The following HCFC2 variants were observed in gnomAD, a reference collection of about 807,000 sequenced individuals.
The protein encoded by HCFC2 is host cell factor C2.
A neutral mutation model predicts 89.2 loss-of-function variants in HCFC2; 18 were observed. The observed-to-expected ratio is 0.20, with a 90% CI of 0.14 to 0.30. The LOEUF (loss-of-function observed/expected upper bound fraction) is 0.30. Ranked by LOEUF, HCFC2 falls within the 10% of genes least tolerant of loss-of-function variation. HCFC2 has a pLI of 1.00. For missense variants in HCFC2, 578 were observed against 956.1 expected (o/e 0.60, Z 5.21); for synonymous variants, 308 against 335.7 (o/e 0.92, Z 0.90).
At chr12:104,074,006 G>A (rs942870119) in intron 3 of HCFC2, among the ~76,000 whole-genome samples, 2 of 152,056 alleles carry the variant, frequency 1.3e-5, no homozygotes, top group African/African-American at 2.4e-5. Flanking sequence ...ATTTACTATC[G>A]GACCCTTTAC....
chr12:104,097,898 A>G (rs1884222741), intron 12 of HCFC2, among the ~76,000 whole-genome samples: 1 of 152,220 alleles, frequency 6.6e-6, no homozygotes, highest in South Asian at 2.1e-4. Flanking sequence ...TTCAAGTGCA[A>G]AGATCACTGA....
chr12:104,095,696 A>C lies in HCFC2; in HGVS notation c.1666+133A>C. 2 of 668,182 alleles carry C rather than the reference A, an allele frequency of 3.0e-6. No homozygotes were observed. Among genetic ancestry groups the C allele is most frequent in the Non-Finnish European group, 5.0e-6 (2 of 399,766 alleles). The allele number at this position is 668,182 out of a possible 1,614,324, so 41.4% of individuals were successfully genotyped here. A position where few individuals can be genotyped will look rare whatever the true frequency, so the allele number is the denominator to read the frequency against. On this transcript the variant is annotated intron_variant, in intron 11 of 14. Coordinates refer to ENST00000229330, the MANE Select transcript of HCFC2 (RefSeq NM_013320.3). The surrounding 1 kb of genome is among the most constrained non-coding windows in gnomAD (Gnocchi z 4.2). ...TAGTCATTTTAACTTAATTTCTGTG[A>C]GCAAGAGTTTTCATTTGACCTAAAT... is the stretch of plus-strand genomic sequence containing the variant.
rs1018961653 is a variant in HCFC2 at position 104,105,990 on chromosome 12, G to C, written c.*2717G>C. Reference sequence around the variant, plus strand: ...AGTAAAAATATTTTTGATGTTGCATGCTCTCAGAATTATGTTTTCTAAAAT... The same window carrying C: ...AGTAAAAATATTTTTGATGTTGCATCCTCTCAGAATTATGTTTTCTAAAAT... On this transcript the variant is annotated 3_prime_UTR_variant, in exon 15 of 15. Coordinates refer to ENST00000229330, the MANE Select transcript of HCFC2 (RefSeq NM_013320.3). The C allele has an allele frequency of 6.6e-6, 1 of 152,016 alleles. No individual in the cohort carries two copies. The highest frequency in any genetic ancestry group is 2.4e-5 in the African/African-American group (1 of 41,442). The allele number at this position is 152,016 out of a possible 1,614,324, so 9.4% of individuals were successfully genotyped here.
intron 7 of HCFC2, among the ~76,000 whole-genome samples, chr12:104,083,963 A>G (rs71466293): frequency 0.02 from 3,014 of 152,192 alleles, 52 homozygotes; most frequent in South Asian, 0.028. Flanking sequence ...GTCTGAGTCT[A>G]CCTACAGTGA....
intron 3 of HCFC2, among the ~76,000 whole-genome samples, chr12:104,078,842 A>G (rs1434874272): frequency 6.6e-6 from 1 of 152,156 alleles, no homozygotes; most frequent in Non-Finnish European, 1.5e-5. Context: ...GGTTACTTCT[A>G]TGTCTGATGC....
chr12:104,092,426 A>G (rs569825526), intron 9 of HCFC2, among the ~76,000 whole-genome samples: 11 of 152,202 alleles, frequency 7.2e-5, no homozygotes, highest in East Asian at 1.9e-4. Flanking sequence ...TGCCACTGCA[A>G]TCCAGCCTGG....
chr12:104,067,133 G>A (rs112883159), intron 2 of HCFC2, among the ~76,000 whole-genome samples: 7,732 of 152,270 alleles, frequency 0.051, 256 homozygotes, highest in Non-Finnish European at 0.077. Flanking sequence ...CAGAGGGATA[G>A]TTGGCATTGG....
chr12:104,076,645 T>C (rs1883502806), intron 3 of HCFC2, among the ~76,000 whole-genome samples: 2 of 152,252 alleles, frequency 1.3e-5, no homozygotes, highest in South Asian at 4.2e-4. Flanking sequence ...GATTTTGTAT[T>C]ATAATAGGGT....
intron 3 of HCFC2, among the ~76,000 whole-genome samples, chr12:104,071,302 A>G (rs1170742493): frequency 6.6e-6 from 1 of 152,194 alleles, no homozygotes; most frequent in Non-Finnish European, 1.5e-5. Context: ...CTTTTCATGT[A>G]CCCTTTTTCA....
intron 12 of HCFC2, 75 bp downstream of exon 12, chr12:104,096,508 A>T: frequency 1.0e-6 from 1 of 978,694 alleles, no homozygotes; most frequent in Non-Finnish European, 1.6e-6. Flanking sequence ...ACTTCTAAAT[A>T]ATTTCATAAA....
rs2030033390 is a variant in HCFC2 at position 104,104,388 on chromosome 12, C to A, written c.*1115C>A. On this transcript the variant is annotated 3_prime_UTR_variant, in exon 15 of 15. Coordinates refer to ENST00000229330, the MANE Select transcript of HCFC2 (RefSeq NM_013320.3). ...GATACAGATAGGCATTATAAACACT[C>A]TGCTACAGGTAACTTGTTTTAAACC... 1.3e-5 allele frequency: 2 copies of A among 152,062 alleles called. No individual in the cohort carries two copies. The highest frequency in any genetic ancestry group is 4.8e-5 in the African/African-American group (2 of 41,448). 9.4% of individuals were successfully genotyped at this position (152,062 alleles called of 1,614,324 possible). A position where few individuals can be genotyped will look rare whatever the true frequency, so the allele number is the denominator to read the frequency against.
At position 104,071,571 on chromosome 12, in the gene HCFC2, CCTAA is replaced by C. The variant is rs36225190; in HGVS notation, c.473+3468_473+3471del. Among the ~76,000 whole-genome samples, 600 of 152,294 alleles carry C rather than the reference CCTAA, an allele frequency of 3.9e-3. 2 individuals are homozygous for C. The highest frequency in any genetic ancestry group is 0.014 in the African/African-American group (569 of 41,558). On this transcript the variant is annotated intron_variant, in intron 3 of 14. Coordinates refer to ENST00000229330, the MANE Select transcript of HCFC2 (RefSeq NM_013320.3). ...ACATTAATACGATCCTCCACACAGA[CCTAA>C]CTATTTTATTTTATTTTATTTTATT...
chr12:104,093,647 GT>G, intron 10 of HCFC2, 84 bp downstream of exon 10: 1 of 1,248,718 alleles, frequency 8.0e-7, no homozygotes, highest in Non-Finnish European at 1.1e-6. Context: ...ATGTTGTACA[GT>G]TTTGATCCAT....
intron 5 of HCFC2, among the ~76,000 whole-genome samples, chr12:104,081,589 T>C (rs1883683480): frequency 1.3e-5 from 2 of 151,094 alleles, no homozygotes; most frequent in South Asian, 2.1e-4. Context: ...ACTGTTGTAA[T>C]TTAGAACCTA....
At chr12:104,086,121 C>A (rs1318516741) in intron 7 of HCFC2, among the ~76,000 whole-genome samples, 2 of 151,514 alleles carry the variant, frequency 1.3e-5, no homozygotes, top group Non-Finnish European at 2.9e-5. Flanking sequence ...CCTTAGCCTT[C>A]CGAGTACCTG....
intron 7 of HCFC2, among the ~76,000 whole-genome samples, chr12:104,083,674 A>G (rs1405956769): frequency 6.6e-6 from 1 of 152,192 alleles, no homozygotes; most frequent in African/African-American, 2.4e-5. Context: ...GCAATGCTGT[A>G]CTATCTTTGC....
intron 12 of HCFC2, among the ~76,000 whole-genome samples, chr12:104,097,210 T>C (rs1049145296): frequency 1.1e-4 from 16 of 152,180 alleles, no homozygotes; most frequent in African/African-American, 3.9e-4. Context: ...CTTTAGAATC[T>C]TTAAGAATTC....
Position 104,095,397 on chromosome 12 carries a change from T to G in HCFC2, c.1500T>G (p.Ser500Arg), listed in dbSNP as rs1884145687. 6 of 1,613,698 alleles carry G rather than the reference T, an allele frequency of 3.7e-6. No homozygotes were observed. Among genetic ancestry groups the G allele is most frequent in the Non-Finnish European group, 5.1e-6 (6 of 1,179,724 alleles). The change falls in exon 11 of 15, where the codon AGT becomes AGG. Residue 500 changes from serine to arginine, a missense_variant. This residue lies in a region of HCFC2 where 210 missense variants were observed against 251.7 expected (regional missense o/e 0.83). Transcript: ENST00000229330. The surrounding 1 kb of genome is among the most constrained non-coding windows in gnomAD (Gnocchi z 4.2). ...HTSANVGVLS[S>R]CLDVRTVIPE... Reference sequence around the variant, plus strand: ...CAGCAAATGTAGGTGTTCTAAGTAGTTGCCTGGATGTAAGAACAGTAATTC... The same window carrying G: ...CAGCAAATGTAGGTGTTCTAAGTAGGTGCCTGGATGTAAGAACAGTAATTC...
Position 104,080,221 on chromosome 12 carries a change from T to C in HCFC2, c.683-525T>C, listed in dbSNP as rs116391429. Among the ~76,000 whole-genome samples the C allele has an allele frequency of 7.4e-3, 1,121 of 152,322 alleles. 21 individuals carry two copies. The highest frequency in any genetic ancestry group is 0.073 in the South Asian group (353 of 4,812). On this transcript the variant is annotated intron_variant, in intron 4 of 14. Coordinates refer to ENST00000229330, the MANE Select transcript of HCFC2 (RefSeq NM_013320.3). ...TGGTGGCACCCTAAGCACACTTATT[T>C]ATTACAAATACAGTCATCCCTCGGT...
Sources: gnomAD v4.1 joint callset for allele counts (sites outside exome capture counted in the v4.1 genomes callset) on GRCh38, gnomAD v4.1.1 for gene constraint, gnomAD v4.1.1 regional missense constraint, Gnocchi (gnomAD v3.1) non-coding constraint, MANE v1.5 for transcripts, NCBI Gene and HGNC (gene_info 2026-07-23, HGNC 2026-07-21) for gene names.